Variants in GLA observed in about 807,000 individuals in gnomAD.
The protein encoded by GLA is galactosidase alpha.
A neutral mutation model predicts 28.2 loss-of-function variants in GLA; 4 were observed. That is an observed-to-expected ratio of 0.14 (90% CI 0.07 to 0.32). The LOEUF (loss-of-function observed/expected upper bound fraction) is 0.32, where lower values mean the gene tolerates loss of function less well. Among genes scored for constraint, GLA ranks in the 10% least tolerant of loss-of-function variants. The pLI, the probability that GLA is intolerant of heterozygous loss-of-function variation, is 1.00. For missense variants in GLA, 203 were observed against 323.7 expected (o/e 0.63, Z 2.86); for synonymous variants, 94 against 113.0 (o/e 0.83, Z 1.07).
chrX:101,407,580 A>G, intron 1 of GLA, 130 bp downstream of exon 1: 1 of 640,157 alleles, frequency 1.6e-6, no homozygotes, highest in South Asian at 2.2e-5. Context: ...TGGGGATAAA[A>G]AAGCAGCAGC....
Position 101,398,876 on chromosome X carries a change from T to C in GLA, c.710A>G (p.Lys237Arg). Residue 237 changes from lysine to arginine, a missense_variant, in exon 5 of 7, where the codon AAA becomes AGA. By Grantham distance (26) the Lys-to-Arg change is conservative. Coordinates refer to ENST00000218516, the MANE Select transcript of GLA (RefSeq NM_000169.3). The part of the protein sequence containing the change: ...RNFADIDDSW[K>R]SIKSILDWTS... ...CCAGTCCAAGATACTCTTTATACTT[T>C]TCCAGGAATCATCAATGTCAGCAAA... 1 of 1,208,050 alleles carries C rather than the reference T, an allele frequency of 8.3e-7. No individual in the cohort carries two copies. The highest frequency in any genetic ancestry group is 1.1e-6 in the Non-Finnish European group (1 of 891,861).
At chrX:101,400,577 G>A (rs1928269749) in intron 4 of GLA, 89 bp downstream of exon 4, 3 of 542,798 alleles carry the variant, frequency 5.5e-6, no homozygotes, top group South Asian at 2.4e-5. Flanking sequence ...AGTAAGTAAC[G>A]TTGGACTTTG....
rs3027585 is a variant in GLA, at chrX:101,407,915, C to T, written c.-12G>A. On this transcript the variant is annotated 5_prime_UTR_variant, in exon 1 of 7. Transcript: ENST00000218516. Reference sequence around the variant, plus strand: ...TTCCTCAGCTGCATTGTCACGGTGACCGGACAGCATAAATTTCCGCGGGTA... The same window carrying T: ...TTCCTCAGCTGCATTGTCACGGTGATCGGACAGCATAAATTTCCGCGGGTA... The T allele has an allele frequency of 0.042, 50,728 of 1,200,657 alleles. 1,251 individuals carry two copies. The highest frequency in any genetic ancestry group is 0.14 in the African/African-American group (8,199 of 56,873).
In GLA at chrX:101,398,850, T is replaced by A. The variant is rs782748185; in HGVS notation, c.736A>T (p.Thr246Ser). 2 of 1,209,455 alleles carry A rather than the reference T, an allele frequency of 1.7e-6. No individual in the cohort carries two copies. The highest frequency in any genetic ancestry group is 2.2e-6 in the Non-Finnish European group (2 of 893,262). The change falls in exon 5 of 7, where the codon ACA becomes TCA. Residue 246 changes from threonine (T) to serine (S), a missense_variant. Transcript: ENST00000218516. ...ACAATTCTCTCCTGGTTAAAAGATG[T>A]CCAGTCCAAGATACTCTTTATACTT... ...WKSIKSILDW[T>S]SFNQERIVDV... is the part of the protein sequence containing the mutation.
At position 101,401,748 on chromosome X, in the gene GLA, C is replaced by T. The variant is rs782085638; in HGVS notation, c.431G>A (p.Gly144Asp). Reference protein sequence around the residue: ...YADVGNKTCAGFPGSFGYYDI... With the variant: ...YADVGNKTCADFPGSFGYYDI... ...GTAGTATCCAAAACTCCCAGGGAAG[C>T]CTGCGCAGGTTTTATTTCCAACATC... Residue 144 changes from glycine to aspartate, a missense_variant, in exon 3 of 7, where the codon GGC becomes GAC. Physicochemically the swap from Gly to Asp is moderately conservative, Grantham distance 94 (BLOSUM62 -1). Transcript: ENST00000218516. 2 of 1,210,241 alleles carry T rather than the reference C, an allele frequency of 1.7e-6. No homozygotes were observed. Among genetic ancestry groups the T allele is most frequent in the African/African-American group, 3.5e-5 (2 of 57,779 alleles).
intron 1 of GLA, among the ~76,000 whole-genome samples, chrX:101,406,211 CAAAAA>C (rs781880952): frequency 2.8e-5 from 1 of 35,688 alleles, no homozygotes; most frequent in Non-Finnish European, 5.3e-5. Context: ...GACCCCGTCT[CAAAAA>C]AAAAAAAAAA....
Position 101,406,457 on chromosome X carries a change from G to A in GLA, c.194+1253C>T, listed in dbSNP as rs782283176. Among the ~76,000 whole-genome samples the A allele has an allele frequency of 4.5e-5, 5 of 110,601 alleles. No homozygotes were observed. In the South Asian group the frequency reaches 1.9e-3, roughly 43 times the overall value. On this transcript the variant is annotated intron_variant, in intron 1 of 6. Coordinates refer to ENST00000218516, the MANE Select transcript of GLA (RefSeq NM_000169.3). ...TTATTTCTGGGTGGTGGAACGGTGG[G>A]GGGAAATCTTTATTTTCATTTTGCT...
chrX:101,406,040 T>TAAAAA (rs34454314), intron 1 of GLA, among the ~76,000 whole-genome samples: 1 of 42,544 alleles, frequency 2.4e-5, no homozygotes, highest in Non-Finnish European at 4.2e-5. Flanking sequence ...CCGTCTGTAC[T>TAAAAA]AAAAAAAAAA....
intron 3 of GLA, 105 bp from the exon 4 acceptor site, chrX:101,400,862 G>A: frequency 2.4e-6 from 1 of 417,013 alleles, no homozygotes; most frequent in South Asian, 4.0e-5. Flanking sequence ...TTTGAGATGG[G>A]GTTCAGTCTG....
At chrX:101,407,624 A>C in intron 1 of GLA, 86 bp downstream of exon 1, 2 of 908,647 alleles carry the variant, frequency 2.2e-6, no homozygotes, top group Middle Eastern at 5.4e-4. Context: ...CTCGGGCTCA[A>C]CTGTTCCCGT....
intron 1 of GLA, 113 bp downstream of exon 1, chrX:101,407,597 G>T: frequency 1.4e-6 from 1 of 694,565 alleles, no homozygotes; most frequent in South Asian, 2.1e-5. Flanking sequence ...CAGCAGAGTC[G>T]GGTGGGGGAG....
At chrX:101,401,122 C>T in intron 3 of GLA, 1 of 184,580 alleles carries the variant, frequency 5.4e-6, no homozygotes, top group South Asian at 9.2e-5. Flanking sequence ...AGGCATGAGC[C>T]ATCATGCCCA....
intron 1 of GLA, 34 bp downstream of exon 1, chrX:101,407,676 A>G: frequency 1.7e-6 from 2 of 1,158,971 alleles, no homozygotes; most frequent in Non-Finnish European, 2.4e-6. Context: ...ACACATGGAA[A>G]AGCAAAGGGA....
Position 101,397,907 on chromosome X carries a change from C to G in GLA, c.1192G>C (p.Glu398Gln). The G allele has an allele frequency of 2.5e-6, 3 of 1,209,268 alleles. No individual in the cohort carries two copies. The highest frequency in any genetic ancestry group is 3.4e-6 in the Non-Finnish European group (3 of 892,836). ...TGACTTCTTAACCTTGAAGTCCATTCATAGAACCCTAGCTTCCTTTTCACA... is the reference window on the plus strand; with the variant it reads ...TGACTTCTTAACCTTGAAGTCCATTGATAGAACCCTAGCTTCCTTTTCACA... ...LPVKRKLGFY[E>Q]WTSRLRSHIN... Residue 398 changes from glutamate (E) to glutamine (Q), a missense_variant, in exon 7 of 7, where the codon GAA becomes CAA. Physicochemically the swap from Glu to Gln is conservative, Grantham distance 29. Around this residue, in one of 3 missense-constraint regions of GLA, gnomAD observed 162 missense variants for 246.8 expected, o/e 0.66. Transcript: ENST00000218516.
intron 1 of GLA, among the ~76,000 whole-genome samples, chrX:101,406,233 G>T (rs1555986808): frequency 2.1e-5 from 2 of 96,522 alleles, no homozygotes; most frequent in African/African-American, 3.8e-5. Flanking sequence ...AAAAAAAAAA[G>T]TGTAATTTAC....
intron 1 of GLA, among the ~76,000 whole-genome samples, chrX:101,406,897 G>A (rs2147485499): frequency 8.9e-6 from 1 of 112,744 alleles, no homozygotes. Context: ...CAAGCGCTGT[G>A]CTATGTACTT....
chrX:101,398,764 A>G lies in GLA; in HGVS notation c.801+21T>C. The G allele has an allele frequency of 8.3e-7, 1 of 1,204,305 alleles. No homozygotes were observed. Among genetic ancestry groups the G allele is most frequent in the Non-Finnish European group, 1.1e-6 (1 of 888,672 alleles). On this transcript the variant is annotated intron_variant, in intron 5 of 6. Coordinates refer to ENST00000218516, the MANE Select transcript of GLA (RefSeq NM_000169.3). ...ACAAGCCTACCGCAGGGTCTTGAAC[A>G]AGGAGGGCTCAAGTTTTTACCATAT... is the stretch of plus-strand genomic sequence containing the variant.
intron 2 of GLA, among the ~76,000 whole-genome samples, chrX:101,402,628 TG>T (rs782020254): frequency 1.8e-5 from 2 of 111,093 alleles, no homozygotes; most frequent in South Asian, 7.6e-4. Flanking sequence ...CCGGGCGTGG[TG>T]GTGTGCGCCT....
chrX:101,402,601 A>T lies in GLA; in HGVS notation c.370-792T>A, dbSNP rs1049420272. 1.2e-4 allele frequency among the ~76,000 whole-genome samples: 13 copies of T among 111,195 alleles called. No homozygotes were observed. In the Admixed American group the frequency reaches 1.2e-3, roughly 11 times the overall value. On this transcript the variant is annotated intron_variant, in intron 2 of 6. Coordinates refer to ENST00000218516, the MANE Select transcript of GLA (RefSeq NM_000169.3). ...AATATGGTGAAACCTTGTCTCTACT[A>T]AAAATACAAAAATTAGCCGGGCGTG...
Sources: allele counts gnomAD v4.1 joint callset (sites outside exome capture counted in the v4.1 genomes callset), GRCh38; gene constraint gnomAD v4.1.1; regional missense constraint gnomAD v4.1.1; transcripts MANE v1.5; gene names NCBI Gene and HGNC (gene_info 2026-07-23, HGNC 2026-07-21).